The following MINAR1 variants were observed in gnomAD, a reference collection of about 807,000 sequenced individuals.
MINAR1 encodes the protein major intrinsically disordered Notch2-binding receptor 1.
In MINAR1, 40 loss-of-function variants were observed where a neutral mutation model predicts 65.1. That is an observed-to-expected ratio of 0.61 (90% CI 0.48 to 0.80). The LOEUF (loss-of-function observed/expected upper bound fraction) is 0.80, where lower values mean the gene tolerates loss of function less well. MINAR1 is among the 30% of genes least tolerant of loss of function. MINAR1 has a pLI of 0.00. For missense variants in MINAR1, 1,128 were observed against 1,148.0 expected, an observed-to-expected ratio of 0.98 and a Z score of 0.25; for synonymous variants, 482 against 449.1, an observed-to-expected ratio of 1.07 and a Z score of -0.93.
chr15:79,429,049 G>T (rs1894382389), upstream of MINAR1, among the ~76,000 whole-genome samples: 1 of 152,184 alleles, frequency 6.6e-6, no homozygotes, highest in Non-Finnish European at 1.5e-5. Flanking sequence ...AATTTGGGGG[G>T]CACTGGAGAA....
At chr15:79,465,933 G>A (rs894244318) in intron 3 of MINAR1, among the ~76,000 whole-genome samples, 3 of 152,088 alleles carry the variant, frequency 2.0e-5, no homozygotes, top group Admixed American at 6.5e-5. Flanking sequence ...GTGGCAAGCA[G>A]AGCTTTGGTG....
At chr15:79,466,398 TGTA>T (rs908535614) in intron 3 of MINAR1, among the ~76,000 whole-genome samples, 2 of 152,206 alleles carry the variant, frequency 1.3e-5, no homozygotes, top group African/African-American at 4.8e-5. Flanking sequence ...AATCTGCCAT[TGTA>T]GTGTGAAAGC....
intron 2 of MINAR1, among the ~76,000 whole-genome samples, chr15:79,461,778 A>C (rs1039225351): frequency 6.6e-6 from 1 of 152,246 alleles, no homozygotes; most frequent in Admixed American, 6.5e-5. Context: ...GTACACACAT[A>C]CACCACGTGT....
At chr15:79,442,860 C>T (rs748061128) in intron 1 of MINAR1, among the ~76,000 whole-genome samples, 3 of 151,814 alleles carry the variant, frequency 2.0e-5, no homozygotes, top group African/African-American at 4.8e-5. Context: ...TGAAATTAAA[C>T]GGATGTTAAA....
At chr15:79,413,761 T>C in the MINAR1 span, 28 of 152,192 alleles carry the variant, frequency 1.8e-4, no homozygotes, top group Non-Finnish European at 4.4e-5. Flanking sequence ...ATCCCAGCAC[T>C]ATCTAGGGGT....
At chr15:79,438,412 G>C (rs1387056339) in intron 1 of MINAR1, among the ~76,000 whole-genome samples, 2 of 16,044 alleles carry the variant, frequency 1.2e-4, no homozygotes, top group East Asian at 3.4e-3. Flanking sequence ...GGGGTGGGTA[G>C]TGAGTGTGTG....
the MINAR1 span, chr15:79,416,286 A>G: frequency 6.6e-6 from 1 of 152,232 alleles, no homozygotes; most frequent in African/African-American, 2.4e-5. Flanking sequence ...AATCAGTCTT[A>G]AAGTTATCAG....
At chr15:79,466,487 ATTTCATATAAT>A (rs1053976901) in intron 3 of MINAR1, among the ~76,000 whole-genome samples, 12 of 152,178 alleles carry the variant, frequency 7.9e-5, no homozygotes, top group Admixed American at 1.3e-4. Context: ...TGAGATTTGC[ATTTCATATAAT>A]TTTCATATGT....
chr15:79,449,281 G>A (rs1265325160), intron 1 of MINAR1, among the ~76,000 whole-genome samples: 1 of 152,180 alleles, frequency 6.6e-6, no homozygotes, highest in Admixed American at 6.5e-5. Context: ...CACCCACTTT[G>A]TCAGTTCCCA....
intron 1 of MINAR1, among the ~76,000 whole-genome samples, chr15:79,452,736 G>GTGAGTC (rs1491494451): frequency 6.7e-5 from 5 of 75,038 alleles, no homozygotes; most frequent in Admixed American, 1.4e-4. Flanking sequence ...GTCTGTGTGG[G>GTGAGTC]TGTGTGGGGG....
chr15:79,436,975 C>G (rs934296227), intron 1 of MINAR1, among the ~76,000 whole-genome samples: 1 of 152,306 alleles, frequency 6.6e-6, no homozygotes, highest in Non-Finnish European at 1.5e-5. Context: ...ACAATTTTGA[C>G]CTTCAGTGGC....
chr15:79,421,140 T>C, the MINAR1 span: 1 of 152,102 alleles, frequency 6.6e-6, no homozygotes, highest in Admixed American at 6.5e-5. Context: ...AGTAAAAAAA[T>C]TACAGTAACA....
chr15:79,463,157 C>CCCTA lies in MINAR1; in HGVS notation c.2392_2395dup (p.Pro799LeufsTer36), dbSNP rs1567061418. On this transcript the variant is annotated frameshift_variant, in exon 3 of 4. Transcript: ENST00000305428. LOFTEE classifies it high-confidence loss of function. ...GGTGGAGCAGGTGTTCAGCCCTCAC[C>CCCTA]CCTACCCTGCCTCCCTCAAGGCCCA... is the stretch of plus-strand genomic sequence containing the variant. The CCCTA allele has an allele frequency of 6.2e-7, 1 of 1,614,216 alleles. No homozygotes were observed.
intron 3 of MINAR1, 58 bp from the exon 4 acceptor site, chr15:79,468,129 G>T (rs750907686): frequency 1.0e-4 from 146 of 1,423,444 alleles, no homozygotes; most frequent in Non-Finnish European, 1.4e-4. Flanking sequence ...CTGTCGGGAC[G>T]TCTTTGACCT....
In MINAR1 at chr15:79,471,177, A is replaced by G. The variant is rs1217110927; in HGVS notation, c.*2793A>G. 2.0e-5 allele frequency: 3 copies of G among 152,162 alleles called. No homozygotes were observed. Among genetic ancestry groups the G allele is most frequent in the Non-Finnish European group, 4.4e-5 (3 of 68,032 alleles). 9.4% of individuals were successfully genotyped at this position (152,162 alleles called of 1,614,324 possible). ...TGGCCTCTCTACTGTACTGGGTGCC[A>G]TCTCCCACCATACTCTGGCATTTTT... On this transcript the variant is annotated 3_prime_UTR_variant, in exon 4 of 4. Transcript: ENST00000305428.
Position 79,468,280 on chromosome 15 carries a change from GA to G in MINAR1, c.2649del (p.Glu883AspfsTer10). 6.2e-7 allele frequency: 1 copy of G among 1,614,028 alleles called. No homozygotes were observed. The highest frequency in any genetic ancestry group is 1.1e-5 in the South Asian group (1 of 91,048). ...YDSLLKRKEA[E>X]FRRAKVCKIA... Reference sequence around the variant, plus strand: ...TTCATTACTAAAACGTAAAGAAGCCGAATTCAGACGAGCCAAGGTCTGCAAG... The same window carrying G: ...TTCATTACTAAAACGTAAAGAAGCCGATTCAGACGAGCCAAGGTCTGCAAG... On this transcript the variant is annotated frameshift_variant, in exon 4 of 4. Coordinates refer to ENST00000305428, the MANE Select transcript of MINAR1 (RefSeq NM_015206.3). LOFTEE classifies it high-confidence loss of function.
chr15:79,411,599 A>C, the MINAR1 span: 1 of 671,504 alleles, frequency 1.5e-6, no homozygotes, highest in African/African-American at 1.8e-5. Context: ...GCTACCATGC[A>C]CTGGGACTAG....
chr15:79,454,514 G>C (rs1440791988), intron 1 of MINAR1, among the ~76,000 whole-genome samples: 1 of 152,174 alleles, frequency 6.6e-6, no homozygotes, highest in East Asian at 1.9e-4. Flanking sequence ...TGTGTAATTT[G>C]ATGTGTGTCT....
chr15:79,459,759 C>T (rs1277972009), intron 2 of MINAR1, among the ~76,000 whole-genome samples: 1 of 152,094 alleles, frequency 6.6e-6, no homozygotes, highest in Non-Finnish European at 1.5e-5. Context: ...TTAAATAAAC[C>T]TCTAGTGTCT....
Sources: gnomAD v4.1 joint callset for allele counts (sites outside exome capture counted in the v4.1 genomes callset) on GRCh38, gnomAD v4.1.1 for gene constraint, MANE v1.5 for transcripts, NCBI Gene and HGNC (gene_info 2026-07-23, HGNC 2026-07-21) for gene names.